PGAP1: variants seen among roughly 807,000 people sequenced by gnomAD.
PGAP1 encodes post-GPI attachment to proteins inositol deacylase 1, also known as GPI inositol-deacylase.
In PGAP1, 76 loss-of-function variants were observed where a neutral mutation model predicts 127.0. The ratio of observed to expected loss-of-function variants is 0.60; its 90% CI spans 0.50 to 0.72. The LOEUF (loss-of-function observed/expected upper bound fraction) is 0.72. PGAP1 is among the 30% of genes least tolerant of loss of function. The pLI, the probability that PGAP1 is intolerant of heterozygous loss-of-function variation, is 0.00. For synonymous variants in PGAP1, 362 were observed against 366.5 expected, an observed-to-expected ratio of 0.99 and a Z score of 0.14; for missense variants, 982 against 1,071.3, an observed-to-expected ratio of 0.92 and a Z score of 1.16.
chr2:196,850,780 GA>G (rs1395315140), intron 20 of PGAP1, among the ~76,000 whole-genome samples: 1 of 151,904 alleles, frequency 6.6e-6, no homozygotes, highest in Non-Finnish European at 1.5e-5. Flanking sequence ...GAAAGAAAAG[GA>G]AACAAACTAG....
intron 4 of PGAP1, among the ~76,000 whole-genome samples, chr2:196,904,508 C>T (rs533038631): frequency 7.2e-5 from 11 of 152,180 alleles, no homozygotes; most frequent in South Asian, 2.1e-4. Context: ...GAGGCCGAGG[C>T]GGGCGGATCA....
At position 196,842,814 on chromosome 2, in the gene PGAP1, T is replaced by A. The variant is rs911706840; in HGVS notation, c.2537A>T (p.Lys846Ile). 1.1e-5 allele frequency: 17 copies of A among 1,508,626 alleles called. No homozygotes were observed. In the Admixed American group the frequency reaches 3.2e-4, roughly 29 times the overall value. 93.5% of individuals were successfully genotyped at this position (1,508,626 alleles called of 1,614,324 possible). The change falls in exon 26 of 27, where the codon AAA becomes ATA. Residue 846 changes from lysine (K) to isoleucine (I), a missense_variant. Physicochemically the swap from Lys to Ile is moderately radical, Grantham distance 102. Transcript: ENST00000354764. Reference protein sequence around the residue: ...YWLKNLRYYFKLNPDPCKPLA... With the variant: ...YWLKNLRYYFILNPDPCKPLA... The stretch of plus-strand genomic sequence containing the variant: ...AGGTTTACATGGATCAGGATTAAGT[T>A]TAAAATAATACCTATAATATTAAAA...
chr2:196,844,113 CA>C, intron 24 of PGAP1, 38 bp from the exon 25 acceptor site: 1 of 1,222,610 alleles, frequency 8.2e-7, no homozygotes, highest in Non-Finnish European at 1.1e-6. Flanking sequence ...AGACACTAAA[CA>C]AAAGTATATT....
intron 4 of PGAP1, 94 bp downstream of exon 4, chr2:196,912,788 T>G: frequency 8.4e-7 from 1 of 1,194,376 alleles, no homozygotes; most frequent in Non-Finnish European, 1.1e-6. Context: ...CATGGATAAA[T>G]CTGTAGCATA....
At chr2:196,864,709 G>T (rs181071541) in intron 20 of PGAP1, among the ~76,000 whole-genome samples, 1 of 152,164 alleles carries the variant, frequency 6.6e-6, no homozygotes, top group East Asian at 1.9e-4. Flanking sequence ...AACTATTTGG[G>T]ATTGGTGGTT....
Position 196,892,467 on chromosome 2 carries a change from TTTGA to T in PGAP1, c.1034-70_1034-67del, listed in dbSNP as rs1361662993. 4 of 707,444 alleles carry T rather than the reference TTTGA, an allele frequency of 5.7e-6. No individual in the cohort carries two copies. In the Admixed American group the frequency reaches 1.0e-4, roughly 18 times the overall value. The allele number at this position is 707,444 out of a possible 1,614,324, so 43.8% of individuals were successfully genotyped here. Reference sequence around the variant, plus strand: ...TTTATACTACATAGTTTCTTTCTTCTTTGAATCCTGGTGAAATACTTCTCAATCA... The same window carrying T: ...TTTATACTACATAGTTTCTTTCTTCTATCCTGGTGAAATACTTCTCAATCA... On this transcript the variant is annotated intron_variant, in intron 8 of 26. Transcript: ENST00000354764.
chr2:196,882,708 A>G (rs1257022235), intron 12 of PGAP1, among the ~76,000 whole-genome samples: 1 of 152,134 alleles, frequency 6.6e-6, no homozygotes, highest in Non-Finnish European at 1.5e-5. Context: ...ATTTTGTATC[A>G]TGATAATTTG....
chr2:196,923,427 T>A (rs952430930), intron 1 of PGAP1, among the ~76,000 whole-genome samples: 2 of 152,144 alleles, frequency 1.3e-5, no homozygotes, highest in African/African-American at 4.8e-5. Context: ...GTACATACTC[T>A]CTTATTGTGA....
In PGAP1 at chr2:196,920,450, G is replaced by C. The variant is rs141632729; in HGVS notation, c.148-300C>G. ...GCCACTGACAATGGCAGAAAGCACT[G>C]GTATATGTCGACAAGTTACATGTTA... On this transcript the variant is annotated intron_variant, in intron 1 of 26. Transcript: ENST00000354764. Among the ~76,000 whole-genome samples the C allele has an allele frequency of 1.1e-3, 168 of 152,008 alleles. No individual in the cohort carries two copies. In the East Asian group the frequency reaches 0.019, roughly 17 times the overall value.
At chr2:196,920,183 C>T (rs1703143093) in intron 1 of PGAP1, 33 bp from the exon 2 acceptor site, 1 of 1,575,686 alleles carries the variant, frequency 6.3e-7, no homozygotes, top group African/African-American at 1.4e-5. Context: ...TCACTTTAAT[C>T]AGTTTTATTA....
intron 22 of PGAP1, 61 bp downstream of exon 22, chr2:196,846,942 T>C: frequency 7.4e-7 from 1 of 1,351,370 alleles, no homozygotes; most frequent in Non-Finnish European, 1.0e-6. Flanking sequence ...TTCAGGTTCC[T>C]TATCAGAATA....
At chr2:196,860,007 C>G (rs1167465186) in intron 20 of PGAP1, among the ~76,000 whole-genome samples, 1 of 151,874 alleles carries the variant, frequency 6.6e-6, no homozygotes, top group Non-Finnish European at 1.5e-5. Context: ...AAGTCCTAGC[C>G]AGAGCAACTA....
In PGAP1 at chr2:196,846,410, A is replaced by G. The variant is rs556969702; in HGVS notation, c.2151-393T>C. 1.7e-4 allele frequency among the ~76,000 whole-genome samples: 26 copies of G among 152,258 alleles called. 1 individual carries two copies. The highest frequency in any genetic ancestry group is 4.6e-4 in the African/African-American group (19 of 41,546). On this transcript the variant is annotated intron_variant, in intron 22 of 26. Transcript: ENST00000354764. Reference sequence around the variant, plus strand: ...TGTTACTATCAGAACCCCTATCTGAAGCATCTCAGAAGGGTGGAGGAAGAA... The same window carrying G: ...TGTTACTATCAGAACCCCTATCTGAGGCATCTCAGAAGGGTGGAGGAAGAA...
chr2:196,872,938 GTAAATTCT>G lies in PGAP1; in HGVS notation c.1619+14_1619+21del, dbSNP rs2125800316. 1.2e-6 allele frequency: 1 copy of G among 840,642 alleles called. No individual in the cohort carries two copies. Among genetic ancestry groups the G allele is most frequent in the African/African-American group, 1.8e-5 (1 of 56,484 alleles). The allele number at this position is 840,642 out of a possible 1,614,324, so 52.1% of individuals were successfully genotyped here. On this transcript the variant is annotated intron_variant, in intron 17 of 26. Coordinates refer to ENST00000354764, the MANE Select transcript of PGAP1 (RefSeq NM_024989.4). The stretch of plus-strand genomic sequence containing the variant: ...TTATTCAAAAACACCAAAGTTTAAA[GTAAATTCT>G]TTCAAATACTTACTGTGCAATGGTT...
chr2:196,870,523 T>C (rs1288157336), intron 19 of PGAP1, among the ~76,000 whole-genome samples: 1 of 152,172 alleles, frequency 6.6e-6, no homozygotes, highest in Non-Finnish European at 1.5e-5. Flanking sequence ...CTCGAACTCC[T>C]GACCTTAAGT....
At chr2:196,876,400 GT>G (rs534951406) in intron 13 of PGAP1, among the ~76,000 whole-genome samples, 94 of 152,154 alleles carry the variant, frequency 6.2e-4, no homozygotes, top group African/African-American at 1.9e-3. Context: ...GGTTTACTAT[GT>G]ATGAAGCCAG....
Position 196,837,860 on chromosome 2 carries a change from C to G in PGAP1, c.*3374G>C, listed in dbSNP as rs1173478323. ...TTATATAGATCTGAATTTGTCTAGC[C>G]AAAATATGAAAAAATAAAGATTAAT... On this transcript the variant is annotated 3_prime_UTR_variant, in exon 27 of 27. Coordinates refer to ENST00000354764, the MANE Select transcript of PGAP1 (RefSeq NM_024989.4). The G allele has an allele frequency of 6.6e-6, 1 of 151,522 alleles. No homozygotes were observed. Among genetic ancestry groups the G allele is most frequent in the Non-Finnish European group, 1.5e-5 (1 of 67,900 alleles). 9.4% of individuals were successfully genotyped at this position (151,522 alleles called of 1,614,324 possible). A position where few individuals can be genotyped will look rare whatever the true frequency, so the allele number is the denominator to read the frequency against.
chr2:196,897,508 C>G (rs932551739), intron 6 of PGAP1, among the ~76,000 whole-genome samples: 1 of 152,174 alleles, frequency 6.6e-6, no homozygotes, highest in Admixed American at 6.5e-5. Context: ...GTATGTCATT[C>G]TAGCAGATAC....
intron 13 of PGAP1, among the ~76,000 whole-genome samples, chr2:196,877,375 G>T (rs1007935750): frequency 2.6e-5 from 4 of 152,056 alleles, no homozygotes; most frequent in Non-Finnish European, 5.9e-5. Context: ...AAAGACTTAA[G>T]TTATAATTCT....
Sources: gnomAD v4.1 joint callset for allele counts (sites outside exome capture counted in the v4.1 genomes callset) on GRCh38, gnomAD v4.1.1 for gene constraint, MANE v1.5 for transcripts, NCBI Gene and HGNC (gene_info 2026-07-23, HGNC 2026-07-21) for gene names.